RPA2: variants seen among roughly 807,000 people sequenced by gnomAD.
RPA2 encodes the protein replication protein A2.
RPA2 carries 22 observed loss-of-function variants against 33.4 expected under a neutral mutation model. The observed-to-expected ratio is 0.66, with a 90% CI of 0.47 to 0.94. RPA2 has a LOEUF of 0.94. Ranked by LOEUF, RPA2 falls within the 40% of genes least tolerant of loss-of-function variation. The pLI, the probability that RPA2 is intolerant of heterozygous loss-of-function variation, is 0.00. For synonymous variants in RPA2, 109 were observed against 114.9 expected, an observed-to-expected ratio of 0.95 and a Z score of 0.33; for missense variants, 279 against 329.9, an observed-to-expected ratio of 0.85 and a Z score of 1.19.
intron 4 of RPA2, among the ~76,000 whole-genome samples, chr1:27,906,676 A>T (rs2090032880): frequency 6.6e-6 from 1 of 151,872 alleles, no homozygotes; most frequent in Non-Finnish European, 1.5e-5. Context: ...ACAGAGTGAG[A>T]CTCTGTCTCA....
intron 4 of RPA2, among the ~76,000 whole-genome samples, chr1:27,906,060 G>A (rs934748169): frequency 5.9e-5 from 9 of 152,080 alleles, no homozygotes; most frequent in South Asian, 2.1e-4. Flanking sequence ...AGGCTACAGC[G>A]GTGACCAAGA....
intron 8 of RPA2, among the ~76,000 whole-genome samples, chr1:27,893,327 T>TGA (rs970252490): frequency 1.3e-5 from 2 of 152,156 alleles, no homozygotes; most frequent in Admixed American, 1.3e-4. Context: ...TTTGTGTGTG[T>TGA]GACAGTCTCA....
At chr1:27,907,830 G>A (rs2090050045) in intron 2 of RPA2, among the ~76,000 whole-genome samples, 2 of 152,118 alleles carry the variant, frequency 1.3e-5, no homozygotes, top group African/African-American at 2.4e-5. Flanking sequence ...GTAAGAGCTT[G>A]GCCATGTTGG....
At chr1:27,910,805 A>G (rs1218642360) in intron 2 of RPA2, among the ~76,000 whole-genome samples, 2 of 152,138 alleles carry the variant, frequency 1.3e-5, no homozygotes, top group Admixed American at 6.6e-5. Flanking sequence ...AGTCTGTGGT[A>G]AGCTATGACT....
chr1:27,901,077 G>C (rs990263815), intron 4 of RPA2, among the ~76,000 whole-genome samples: 1 of 152,220 alleles, frequency 6.6e-6, no homozygotes, highest in African/African-American at 2.4e-5. Flanking sequence ...AGCAGGGTTT[G>C]AGATTGAATC....
upstream of RPA2, chr1:27,914,775 G>A: frequency 2.5e-6 from 3 of 1,178,908 alleles, no homozygotes; most frequent in Non-Finnish European, 2.4e-6. Context: ...GAGCGGTATC[G>A]CAAGAAATCA....
intron 2 of RPA2, among the ~76,000 whole-genome samples, chr1:27,910,052 A>C (rs2090079344): frequency 6.6e-6 from 1 of 152,136 alleles, no homozygotes; most frequent in African/African-American, 2.4e-5. Context: ...CTCACAAACT[A>C]CTATATTTCT....
intron 2 of RPA2, among the ~76,000 whole-genome samples, chr1:27,909,736 C>T (rs964266672): frequency 1.3e-5 from 2 of 151,672 alleles, no homozygotes; most frequent in Non-Finnish European, 2.9e-5. Flanking sequence ...AAAGAGCGGT[C>T]GCTCTTGGTC....
At chr1:27,899,159 G>A (rs1274290746) in intron 4 of RPA2, among the ~76,000 whole-genome samples, 1 of 152,148 alleles carries the variant, frequency 6.6e-6, no homozygotes. Flanking sequence ...AGTCACTTGA[G>A]GTTAGGAGTT....
At chr1:27,901,307 G>T (rs1402026526) in intron 4 of RPA2, among the ~76,000 whole-genome samples, 3 of 152,046 alleles carry the variant, frequency 2.0e-5, no homozygotes, top group Non-Finnish European at 4.4e-5. Flanking sequence ...AAAACATTAT[G>T]AATTGCTGAG....
Position 27,899,188 on chromosome 1 carries a change from C to T in RPA2, c.334-1481G>A, listed in dbSNP as rs551614632. 1.4e-4 allele frequency among the ~76,000 whole-genome samples: 21 copies of T among 152,164 alleles called. No homozygotes were observed. The East Asian group carries it at 3.9e-3, about 28-fold the overall frequency. ...AGGAGTTCGAGACCAGCCTGGCCAACGTGGTGAAACCCTGCCTCTGTTAAT... is the reference window on the plus strand; with the variant it reads ...AGGAGTTCGAGACCAGCCTGGCCAATGTGGTGAAACCCTGCCTCTGTTAAT... On this transcript the variant is annotated intron_variant, in intron 4 of 8. Transcript: ENST00000373912.
chr1:27,914,626 C>T (rs763322214), upstream of RPA2: 1 of 1,613,894 alleles, frequency 6.2e-7, no homozygotes, highest in Non-Finnish European at 8.5e-7. Flanking sequence ...TCGGTGCTCA[C>T]GGATGCTACG....
At chr1:27,914,691 T>A (rs773714303), upstream of RPA2, 8 of 1,612,122 alleles carry the variant, frequency 5.0e-6, no homozygotes, top group Non-Finnish European at 6.8e-6. Context: ...CGCTCCCAGT[T>A]GGCTCCAAAA....
intron 4 of RPA2, 78 bp from the exon 5 acceptor site, chr1:27,897,785 TAGAAAG>T: frequency 9.6e-7 from 1 of 1,039,284 alleles, no homozygotes; most frequent in Non-Finnish European, 1.4e-6. Flanking sequence ...ATATTATGTA[TAGAAAG>T]AGAAAGTTAC....
At chr1:27,894,137 A>G in intron 7 of RPA2, 31 bp from the exon 8 acceptor site, 1 of 1,599,350 alleles carries the variant, frequency 6.3e-7, no homozygotes, top group South Asian at 1.1e-5. Flanking sequence ...GATTTTAGCA[A>G]TTATTTTGGA....
Position 27,895,354 on chromosome 1 carries a change from G to A in RPA2, c.526-957C>T, listed in dbSNP as rs28904896. Among the ~76,000 whole-genome samples the A allele has an allele frequency of 3.6e-3, 546 of 152,150 alleles. 4 individuals are homozygous for A. The highest frequency in any genetic ancestry group is 0.012 in the African/African-American group (517 of 41,482). On this transcript the variant is annotated intron_variant, in intron 6 of 8. Transcript: ENST00000373912. Reference sequence around the variant, plus strand: ...GGAGAATTGCTTGAACCCGAGAGGCGGAGGCTGCAGTGAGCCGAGATCACG... The same window carrying A: ...GGAGAATTGCTTGAACCCGAGAGGCAGAGGCTGCAGTGAGCCGAGATCACG...
chr1:27,908,887 T>C (rs1247976186), intron 2 of RPA2, among the ~76,000 whole-genome samples: 2 of 152,204 alleles, frequency 1.3e-5, no homozygotes, highest in African/African-American at 4.8e-5. Context: ...TGAAGATGAA[T>C]ATGATGGGAC....
intron 4 of RPA2, among the ~76,000 whole-genome samples, chr1:27,899,337 T>G (rs1267940919): frequency 6.6e-6 from 1 of 151,760 alleles, no homozygotes; most frequent in Admixed American, 6.6e-5. Flanking sequence ...AAACCCTGTC[T>G]CTACTAAAAA....
At chr1:27,911,164 T>C (rs2090091394) in intron 2 of RPA2, among the ~76,000 whole-genome samples, 1 of 151,736 alleles carries the variant, frequency 6.6e-6, no homozygotes. Context: ...TGCAGTGAGC[T>C]GAGATTGTTC....
Sources: gnomAD v4.1 joint callset for allele counts (sites outside exome capture counted in the v4.1 genomes callset) on GRCh38, gnomAD v4.1.1 for gene constraint, MANE v1.5 for transcripts, NCBI Gene and HGNC (gene_info 2026-07-23, HGNC 2026-07-21) for gene names.